SCHIP1: variants seen among roughly 807,000 people sequenced by gnomAD.
SCHIP1 encodes schwannomin interacting protein 1, also known as schwannomin-interacting protein 1.
A neutral mutation model predicts 29.7 loss-of-function variants in SCHIP1; 8 were observed. The observed-to-expected ratio is 0.27, with a 90% CI of 0.16 to 0.49. The LOEUF (loss-of-function observed/expected upper bound fraction) is 0.49, where lower values mean the gene tolerates loss of function less well. Among genes scored for constraint, SCHIP1 ranks in the 20% least tolerant of loss-of-function variants. SCHIP1 has a pLI of 0.99. For missense variants in SCHIP1, 193 were observed against 294.6 expected (o/e 0.66, Z 2.52); for synonymous variants, 76 against 94.9 (o/e 0.80, Z 1.16).
At chr3:159,790,308 G>A in the SCHIP1 span, among the ~76,000 whole-genome samples, 1 of 152,216 alleles carries the variant, frequency 6.6e-6, no homozygotes, top group African/African-American at 2.4e-5. Context: ...AGGAACTTGA[G>A]CAGCATTAGA....
the SCHIP1 span, among the ~76,000 whole-genome samples, chr3:159,293,078 C>A: frequency 6.6e-6 from 1 of 152,118 alleles, no homozygotes; most frequent in African/African-American, 2.4e-5. Flanking sequence ...AAAATAATAG[C>A]TGTTAAGCAA....
chr3:159,804,413 A>G, the SCHIP1 span, among the ~76,000 whole-genome samples: 44 of 152,232 alleles, frequency 2.9e-4, no homozygotes, highest in African/African-American at 9.9e-4. Flanking sequence ...TGCTAAGGAC[A>G]TGGTAAGGAA....
At chr3:159,860,005 GTGTGTC>G (rs1336862196) in intron 1 of SCHIP1, among the ~76,000 whole-genome samples, 1 of 151,974 alleles carries the variant, frequency 6.6e-6, no homozygotes, top group African/African-American at 2.4e-5. Flanking sequence ...GCGTGTGTGT[GTGTGTC>G]TGTCTGTCTG....
chr3:159,843,283 G>A (rs1196775101), intron 1 of SCHIP1, among the ~76,000 whole-genome samples: 1 of 151,526 alleles, frequency 6.6e-6, no homozygotes, highest in African/African-American at 2.4e-5. Flanking sequence ...AAAGTGCTGG[G>A]ATTACAGGCA....
At chr3:159,694,861 G>T in the SCHIP1 span, among the ~76,000 whole-genome samples, 1 of 152,120 alleles carries the variant, frequency 6.6e-6, no homozygotes, top group African/African-American at 2.4e-5. Flanking sequence ...ATTACCTTAT[G>T]ATTCTCAATA....
At chr3:159,744,822 AT>A in the SCHIP1 span, among the ~76,000 whole-genome samples, 32 of 152,268 alleles carry the variant, frequency 2.1e-4, 3 homozygotes, top group African/African-American at 4.3e-4. Context: ...CTAAAAAAAA[AT>A]AATACAAAAA....
At chr3:159,888,973 T>C (rs1717223241) in intron 5 of SCHIP1, 30 bp downstream of exon 6, 1 of 1,609,778 alleles carries the variant, frequency 6.2e-7, no homozygotes, top group African/African-American at 1.3e-5. Context: ...GAAAATAGGA[T>C]ATTCAATGTA....
chr3:159,346,138 A>G, the SCHIP1 span, among the ~76,000 whole-genome samples: 1 of 151,712 alleles, frequency 6.6e-6, no homozygotes, highest in Non-Finnish European at 1.5e-5. Flanking sequence ...GGTTGTGTCA[A>G]GATGGTGCCA....
the SCHIP1 span, among the ~76,000 whole-genome samples, chr3:159,713,272 GAA>G: frequency 3.4e-5 from 5 of 145,890 alleles, no homozygotes; most frequent in Non-Finnish European, 7.5e-5. Flanking sequence ...AAGAAAGAAA[GAA>G]AGAAAGAAAG....
At chr3:159,335,524 G>C in the SCHIP1 span, among the ~76,000 whole-genome samples, 1 of 151,916 alleles carries the variant, frequency 6.6e-6, no homozygotes, top group Non-Finnish European at 1.5e-5. Flanking sequence ...CCCTGGTGTG[G>C]GATGTTCCCC....
chr3:159,687,470 T>C, the SCHIP1 span, among the ~76,000 whole-genome samples: 1 of 152,188 alleles, frequency 6.6e-6, no homozygotes, highest in Non-Finnish European at 1.5e-5. Context: ...CAGGCTTTGT[T>C]TTGATATTCA....
the SCHIP1 span, among the ~76,000 whole-genome samples, chr3:159,521,642 C>T: frequency 2.6e-5 from 4 of 152,176 alleles, no homozygotes; most frequent in South Asian, 2.1e-4. Flanking sequence ...ACTGCTTCTT[C>T]GCTGGAATAA....
the SCHIP1 span, among the ~76,000 whole-genome samples, chr3:159,525,639 A>G: frequency 1.3e-5 from 2 of 152,238 alleles, no homozygotes; most frequent in Admixed American, 1.3e-4. Context: ...CAGCGTGATG[A>G]GGAGAAGATG....
At chr3:159,678,544 T>A in the SCHIP1 span, among the ~76,000 whole-genome samples, 1 of 152,226 alleles carries the variant, frequency 6.6e-6, no homozygotes, top group Non-Finnish European at 1.5e-5. Flanking sequence ...TTTACTTATA[T>A]CTAAAACTAA....
the SCHIP1 span, among the ~76,000 whole-genome samples, chr3:159,612,588 A>G: frequency 6.6e-6 from 1 of 152,222 alleles, no homozygotes; most frequent in Admixed American, 6.5e-5. Context: ...CTCTACTAAA[A>G]GTAGAAAAAT....
chr3:159,398,290 G>A, the SCHIP1 span, among the ~76,000 whole-genome samples: 34 of 152,144 alleles, frequency 2.2e-4, no homozygotes, highest in East Asian at 1.2e-3. Flanking sequence ...CGTCTTCTGC[G>A]TCGCTCATGC....
chr3:159,403,690 T>A, the SCHIP1 span, among the ~76,000 whole-genome samples: 1 of 152,288 alleles, frequency 6.6e-6, no homozygotes, highest in East Asian at 1.9e-4. Flanking sequence ...CTCTGGGGCC[T>A]TAAATAAACT....
At chr3:159,455,016 G>A in the SCHIP1 span, among the ~76,000 whole-genome samples, 1 of 152,142 alleles carries the variant, frequency 6.6e-6, no homozygotes, top group Non-Finnish European at 1.5e-5. Context: ...AAGATACTTT[G>A]TTAAGGACGG....
chr3:159,870,543 A>G (rs1007146363), intron 2 of SCHIP1, among the ~76,000 whole-genome samples: 14 of 152,034 alleles, frequency 9.2e-5, no homozygotes, highest in African/African-American at 3.4e-4. Flanking sequence ...ATAGATTTTC[A>G]AAATATTAAA....
Sources: allele counts gnomAD v4.1 joint callset (sites outside exome capture counted in the v4.1 genomes callset), GRCh38; gene constraint gnomAD v4.1.1; transcripts MANE v1.5; gene names NCBI Gene and HGNC (gene_info 2026-07-23, HGNC 2026-07-21).